Variants in ABCB4 observed in about 807,000 individuals in gnomAD.
ABCB4 encodes the protein phosphatidylcholine translocator ABCB4.
Under a neutral mutation model 145.7 loss-of-function variants are expected in ABCB4, and 76 were observed. The observed-to-expected ratio is 0.52, with a 90% CI of 0.43 to 0.63. The LOEUF (loss-of-function observed/expected upper bound fraction) is 0.63. ABCB4 is among the 30% of genes least tolerant of loss of function. The probability of loss-of-function intolerance (pLI) is 0.00; values close to 1 mark genes in which losing one functional copy is unlikely to be tolerated. For synonymous variants in ABCB4, 517 were observed against 566.8 expected, an observed-to-expected ratio of 0.91 and a Z score of 1.25; for missense variants, 1,234 against 1,553.1, an observed-to-expected ratio of 0.79 and a Z score of 3.45.
chr7:87,382,493 T>C, the ABCB4 span: 49 of 1,613,964 alleles, frequency 3.0e-5, no homozygotes, highest in East Asian at 1.0e-3. Context: ...TTCACCCGGA[T>C]ACGTTTATTC....
At chr7:87,389,710 AT>A in the ABCB4 span, among the ~76,000 whole-genome samples, 1 of 152,180 alleles carries the variant, frequency 6.6e-6, no homozygotes, top group African/African-American at 2.4e-5. Context: ...ATCATGGCAC[AT>A]GTATACCTAT....
chr7:87,462,945 A>G (rs1211259958), intron 3 of ABCB4, 37 bp from the exon 4 acceptor site: 2 of 1,577,504 alleles, frequency 1.3e-6, no homozygotes, highest in African/African-American at 1.4e-5. Flanking sequence ...TAGCTGTGGA[A>G]TGGAATTTCT....
chr7:87,381,916 C>G, the ABCB4 span: 2 of 1,604,494 alleles, frequency 1.2e-6, no homozygotes, highest in Non-Finnish European at 1.7e-6. Flanking sequence ...TTAGCATGCT[C>G]CTTTTGATGC....
chr7:87,466,292 G>A (rs1812893853), intron 3 of ABCB4, among the ~76,000 whole-genome samples: 2 of 152,086 alleles, frequency 1.3e-5, no homozygotes, highest in African/African-American at 2.4e-5. Context: ...TGGAAGAAAG[G>A]GTATCAGTGA....
chr7:87,425,105 C>T (rs888312588), intron 16 of ABCB4, among the ~76,000 whole-genome samples: 3 of 151,284 alleles, frequency 2.0e-5, no homozygotes, highest in Non-Finnish European at 4.4e-5. Context: ...ATGAATGAAT[C>T]TTTTTCTTTG....
At chr7:87,413,825 G>T in intron 21 of ABCB4, 108 bp from the exon 22 acceptor site, 1 of 786,736 alleles carries the variant, frequency 1.3e-6, no homozygotes, top group Non-Finnish European at 2.2e-6. Flanking sequence ...ACGTTGATAG[G>T]CTTTAATTTC....
downstream of ABCB4, chr7:87,398,665 A>C (rs770838192): frequency 1.9e-6 from 3 of 1,607,838 alleles, no homozygotes; most frequent in Non-Finnish European, 8.5e-7. Context: ...TCTATTAAGC[A>C]CTTACCAAAA....
At chr7:87,415,500 T>C (rs1808908551) in intron 21 of ABCB4, among the ~76,000 whole-genome samples, 2 of 152,102 alleles carry the variant, frequency 1.3e-5, no homozygotes, top group Admixed American at 6.6e-5. Flanking sequence ...TCATATTTAA[T>C]CTTTCATATT....
At chr7:87,369,937 T>C in the ABCB4 span, among the ~76,000 whole-genome samples, 1 of 145,682 alleles carries the variant, frequency 6.9e-6, no homozygotes, top group African/African-American at 2.7e-5. Flanking sequence ...GATTATATAA[T>C]GATAACTCCC....
At chr7:87,393,003 C>T in the ABCB4 span, 3 of 1,613,494 alleles carry the variant, frequency 1.9e-6, no homozygotes, top group Non-Finnish European at 2.5e-6. Flanking sequence ...TTTACGAGTC[C>T]AGGGAGTGGT....
chr7:87,368,570 T>G, the ABCB4 span, among the ~76,000 whole-genome samples: 1 of 152,214 alleles, frequency 6.6e-6, no homozygotes, highest in Non-Finnish European at 1.5e-5. Context: ...TCATAGTTGA[T>G]GAAAAGATTT....
chr7:87,414,999 T>C (rs958425475), intron 21 of ABCB4, among the ~76,000 whole-genome samples: 7 of 152,224 alleles, frequency 4.6e-5, no homozygotes, highest in Non-Finnish European at 8.8e-5. Flanking sequence ...ACTGAGACTA[T>C]CTGATGTGGA....
intron 27 of ABCB4, 21 bp from the exon 28 acceptor site, chr7:87,402,323 C>T (rs752863569): frequency 1.9e-6 from 3 of 1,613,656 alleles, no homozygotes; most frequent in South Asian, 1.1e-5. Context: ...ATCAGACAGA[C>T]ACCTTATCCC....
At chr7:87,435,566 G>A (rs1056454774) in intron 14 of ABCB4, among the ~76,000 whole-genome samples, 15 of 152,166 alleles carry the variant, frequency 9.9e-5, no homozygotes, top group Non-Finnish European at 1.6e-4. Context: ...AGGATAACTG[G>A]CTTCAGGGAG....
chr7:87,392,954 A>T, the ABCB4 span: 1 of 1,613,584 alleles, frequency 6.2e-7, no homozygotes. Context: ...ACAGCGGAGG[A>T]GGTGGAAATT....
the ABCB4 span, among the ~76,000 whole-genome samples, chr7:87,379,418 TATATA>T: frequency 6.6e-6 from 1 of 152,236 alleles, no homozygotes; most frequent in African/African-American, 2.4e-5. Flanking sequence ...GTTATATTGT[TATATA>T]AGAGTAAGTC....
chr7:87,414,673 G>A (rs1482736454), intron 21 of ABCB4, among the ~76,000 whole-genome samples: 3 of 151,774 alleles, frequency 2.0e-5, no homozygotes, highest in Non-Finnish European at 4.4e-5. Flanking sequence ...ACAGCTTTAA[G>A]ACTTTTTTTT....
At chr7:87,461,681 T>C (rs1400909655) in intron 4 of ABCB4, among the ~76,000 whole-genome samples, 1 of 152,254 alleles carries the variant, frequency 6.6e-6, no homozygotes, top group Non-Finnish European at 1.5e-5. Context: ...AATAAACTTT[T>C]ATAGGAGTTT....
the ABCB4 span, among the ~76,000 whole-genome samples, chr7:87,372,058 A>C: frequency 6.6e-6 from 1 of 152,040 alleles, no homozygotes; most frequent in African/African-American, 2.4e-5. Context: ...ACAGGTGAAA[A>C]ATGGTTTTCA....
Sources: gnomAD v4.1 joint callset for allele counts (sites outside exome capture counted in the v4.1 genomes callset) on GRCh38, gnomAD v4.1.1 for gene constraint, MANE v1.5 for transcripts, NCBI Gene and HGNC (gene_info 2026-07-23, HGNC 2026-07-21) for gene names.